FBLN5: variants seen among roughly 807,000 people sequenced by gnomAD.
FBLN5 encodes fibulin-5.
A neutral mutation model predicts 61.6 loss-of-function variants in FBLN5; 24 were observed. That is an observed-to-expected ratio of 0.39 (90% CI 0.28 to 0.55). The LOEUF (loss-of-function observed/expected upper bound fraction) is 0.55. Among genes scored for constraint, FBLN5 ranks in the 20% least tolerant of loss-of-function variants. FBLN5 has a pLI of 0.65. For missense variants in FBLN5, 470 were observed against 594.1 expected, an observed-to-expected ratio of 0.79 and a Z score of 2.17; for synonymous variants, 213 against 219.8, an observed-to-expected ratio of 0.97 and a Z score of 0.27.
At chr14:91,899,810 G>A (rs1350273174) in intron 4 of FBLN5, among the ~76,000 whole-genome samples, 4 of 152,218 alleles carry the variant, frequency 2.6e-5, no homozygotes, top group Non-Finnish European at 5.9e-5. Context: ...AGGCTGGTGT[G>A]TTTTAAAGGA....
chr14:91,897,475 G>A (rs1216060156), intron 4 of FBLN5, among the ~76,000 whole-genome samples: 1 of 152,216 alleles, frequency 6.6e-6, no homozygotes, highest in African/African-American at 2.4e-5. Context: ...TTCCTGCCTT[G>A]AGGGGAATGA....
In FBLN5 at chr14:91,937,175, C is replaced by T; in HGVS notation, c.151G>A (p.Glu51Lys). 3 of 1,614,064 alleles carry T rather than the reference C, an allele frequency of 1.9e-6. No homozygotes were observed. Among genetic ancestry groups the T allele is most frequent in the South Asian group, 1.1e-5 (1 of 91,082 alleles). The change falls in exon 4 of 11, where the codon GAG becomes AAG. Residue 51 changes from glutamate (E) to lysine (K), a missense_variant. Physicochemically the swap from Glu to Lys is moderately conservative, Grantham distance 56. Transcript: ENST00000342058. ...CACATCATGTCTCCTCGGCAGGCCT[C>T]GGGGATGGTTCGGCATTCATCAATA... Reference protein sequence around the residue: ...LDIDECRTIPEACRGDMMCVN... With the variant: ...LDIDECRTIPKACRGDMMCVN...
chr14:91,942,978 T>C lies in FBLN5; in HGVS notation c.18-17A>G. Reference sequence around the variant, plus strand: ...GTGAGTATCCTGTGGAGGTGAAAAGTCAAATATAAATGCCCAAGACAGATT... The same window carrying C: ...GTGAGTATCCTGTGGAGGTGAAAAGCCAAATATAAATGCCCAAGACAGATT... On this transcript the variant is annotated splice_polypyrimidine_tract_variant and intron_variant, in intron 1 of 10. Transcript: ENST00000342058. 6.5e-7 allele frequency: 1 copy of C among 1,537,884 alleles called. No individual in the cohort carries two copies. Among genetic ancestry groups the C allele is most frequent in the Non-Finnish European group, 8.8e-7 (1 of 1,132,264 alleles).
Position 91,883,009 on chromosome 14 carries a change from G to C in FBLN5, c.807C>G (p.Tyr269Ter). ...QHECVNQPGTYFCSCPPGYIL... is the reference protein window; with the variant it reads ...QHECVNQPGT ...TGTAGCCTGGAGGGCAGGAGCAGAA[G>C]TATGTGCCGGGCTGGTTCACACACT... Residue 269 changes from tyrosine (Y) to a stop codon, truncating the protein, a stop_gained, in exon 8 of 11, where the codon TAC (tyrosine) becomes TAG (stop). Transcript: ENST00000342058. LOFTEE classifies it high-confidence loss of function. The C allele has an allele frequency of 6.2e-7, 1 of 1,614,186 alleles. No homozygotes were observed.
Position 91,938,031 on chromosome 14 carries a change from C to T in FBLN5, c.125-830G>A, listed in dbSNP as rs560380323. ...TAAAGAGTGTTTATCTGCAGATGTA[C>T]CATCTAATACATCAAGGATCCTCGT... is the stretch of plus-strand genomic sequence containing the variant. On this transcript the variant is annotated intron_variant, in intron 3 of 10. Transcript: ENST00000342058. Among the ~76,000 whole-genome samples the T allele has an allele frequency of 4.2e-4, 64 of 152,266 alleles. No homozygotes were observed. The South Asian group carries it at 0.012, about 29-fold the overall frequency.
At chr14:91,919,353 AAAG>A (rs2055686479) in intron 4 of FBLN5, among the ~76,000 whole-genome samples, 2 of 117,838 alleles carry the variant, frequency 1.7e-5, no homozygotes, top group African/African-American at 3.4e-5. Flanking sequence ...AAAAAAAAGA[AAAG>A]AAAAGAAAAG....
chr14:91,870,091 G>T lies in FBLN5; in HGVS notation c.*133C>A. Reference sequence around the variant, plus strand: ...GTACAGGTGAGAGTCAGGAAGTCGGGGCTGACTCTTCGGGGAAACGTTCAG... The same window carrying T: ...GTACAGGTGAGAGTCAGGAAGTCGGTGCTGACTCTTCGGGGAAACGTTCAG... On this transcript the variant is annotated 3_prime_UTR_variant, in exon 11 of 11. Coordinates refer to ENST00000342058, the MANE Select transcript of FBLN5 (RefSeq NM_006329.4). 2 of 929,336 alleles carry T rather than the reference G, an allele frequency of 2.2e-6. No individual in the cohort carries two copies. Among genetic ancestry groups the T allele is most frequent in the Non-Finnish European group, 3.4e-6 (2 of 587,118 alleles). The allele number at this position is 929,336 out of a possible 1,614,324, so 57.6% of individuals were successfully genotyped here.
intron 4 of FBLN5, among the ~76,000 whole-genome samples, chr14:91,935,653 G>A (rs1385636628): frequency 6.6e-6 from 1 of 152,162 alleles, no homozygotes; most frequent in Admixed American, 6.5e-5. Context: ...TAACTGGTTG[G>A]AGTCCACACT....
At position 91,883,094 on chromosome 14, in the gene FBLN5, A is replaced by G. The variant is rs1298909905; in HGVS notation, c.740-18T>C. 6.2e-7 allele frequency: 1 copy of G among 1,613,194 alleles called. No individual in the cohort carries two copies. Among genetic ancestry groups the G allele is most frequent in the South Asian group, 1.1e-5 (1 of 91,010 alleles). ...GTCCATATCTGGGGTGACAAGTCAC[A>G]CCTGCTGTTTGTAATCCCAGTCTAC... On this transcript the variant is annotated intron_variant, in intron 7 of 10. Coordinates refer to ENST00000342058, the MANE Select transcript of FBLN5 (RefSeq NM_006329.4).
At chr14:91,905,008 C>G (rs1339277460) in intron 4 of FBLN5, among the ~76,000 whole-genome samples, 1 of 152,136 alleles carries the variant, frequency 6.6e-6, no homozygotes, top group Non-Finnish European at 1.5e-5. Context: ...ATCAACAGGA[C>G]CTCTCAGGGG....
chr14:91,898,798 T>G (rs1260337556), intron 4 of FBLN5, among the ~76,000 whole-genome samples: 1 of 77,538 alleles, frequency 1.3e-5, no homozygotes, highest in African/African-American at 5.3e-5. Context: ...CATTCATTCT[T>G]TTTTTTTTTT....
At chr14:91,938,258 AC>A (rs1224095930) in intron 3 of FBLN5, 2 of 156,368 alleles carry the variant, frequency 1.3e-5, no homozygotes, top group Non-Finnish European at 2.8e-5. Context: ...GGAGTTCAAG[AC>A]CAGCCTCCCA....
chr14:91,884,595 C>T (rs955962846), intron 7 of FBLN5, among the ~76,000 whole-genome samples: 4 of 152,226 alleles, frequency 2.6e-5, no homozygotes, highest in African/African-American at 9.6e-5. Flanking sequence ...GCTGACTTGA[C>T]CAAGTTCACA....
chr14:91,909,649 C>T (rs1177759508), intron 4 of FBLN5, among the ~76,000 whole-genome samples: 1 of 152,172 alleles, frequency 6.6e-6, no homozygotes, highest in Admixed American at 6.5e-5. Context: ...CACACTCTTG[C>T]TTTCTGGCCA....
chr14:91,942,564 T>C (rs1164921630), intron 2 of FBLN5, among the ~76,000 whole-genome samples: 2 of 152,248 alleles, frequency 1.3e-5, no homozygotes, highest in African/African-American at 2.4e-5. Flanking sequence ...GATGAATTGA[T>C]AGGTGCAGCA....
Position 91,947,359 on chromosome 14 carries a change from G to A in FBLN5, c.-130C>T. On this transcript the variant is annotated 5_prime_UTR_variant, in exon 1 of 11. Transcript: ENST00000342058. The surrounding 1 kb of genome is among the most constrained non-coding windows in gnomAD (Gnocchi z 4.3). The stretch of plus-strand genomic sequence containing the variant: ...GCGGGTGTTTTATTCCAGAGGGGCC[G>A]AGCGAGTCGTGGAGAGGACACGGGG... 1 of 1,061,588 alleles carries A rather than the reference G, an allele frequency of 9.4e-7. No individual in the cohort carries two copies. The highest frequency in any genetic ancestry group is 1.6e-5 in the African/African-American group (1 of 63,782). 65.8% of individuals were successfully genotyped at this position (1,061,588 alleles called of 1,614,324 possible).
At chr14:91,945,615 C>G (rs1028956182) in intron 1 of FBLN5, among the ~76,000 whole-genome samples, 1 of 152,164 alleles carries the variant, frequency 6.6e-6, no homozygotes, top group Non-Finnish European at 1.5e-5. Flanking sequence ...GGACACATGG[C>G]CCATCTGCAT....
At chr14:91,930,645 G>A (rs994098924) in intron 4 of FBLN5, among the ~76,000 whole-genome samples, 2 of 152,192 alleles carry the variant, frequency 1.3e-5, no homozygotes, top group African/African-American at 4.8e-5. Flanking sequence ...AAAGTCTGTT[G>A]GAGTGAAGGC....
At chr14:91,877,746 T>C (rs965875759) in intron 9 of FBLN5, 64 bp from the exon 10 acceptor site, 10 of 1,339,180 alleles carry the variant, frequency 7.5e-6, no homozygotes, top group Non-Finnish European at 1.1e-5. Flanking sequence ...TGTGCCTACT[T>C]CCTCTCTTAA....
Sources: allele counts gnomAD v4.1 joint callset (sites outside exome capture counted in the v4.1 genomes callset), GRCh38; gene constraint gnomAD v4.1.1; non-coding constraint Gnocchi (gnomAD v3.1); transcripts MANE v1.5; gene names NCBI Gene and HGNC (gene_info 2026-07-23, HGNC 2026-07-21).